The following COL14A1 variants were observed in gnomAD, a reference collection of about 807,000 sequenced individuals.
The protein encoded by COL14A1 is collagen type XIV alpha 1 chain, also known as collagen alpha-1(XIV) chain.
Under a neutral mutation model 230.3 loss-of-function variants are expected in COL14A1, and 136 were observed. That is an observed-to-expected ratio of 0.59 (90% CI 0.51 to 0.68). The LOEUF is 0.68. Among genes scored for constraint, COL14A1 ranks in the 30% least tolerant of loss-of-function variants. COL14A1 has a pLI of 0.00. For synonymous variants in COL14A1, 792 were observed against 784.1 expected, an observed-to-expected ratio of 1.01 and a Z score of -0.17; for missense variants, 1,976 against 2,215.8, an observed-to-expected ratio of 0.89 and a Z score of 2.17.
chr8:120,275,839 G>A (rs768463766), intron 26 of COL14A1, among the ~76,000 whole-genome samples: 3 of 151,824 alleles, frequency 2.0e-5, no homozygotes, highest in Admixed American at 6.6e-5. Flanking sequence ...AATAGATGTC[G>A]GTGTGGATGT....
rs1812219544 is a variant in COL14A1, at chr8:120,373,238, C to T, written c.*2007C>T. ...AGTATACACTATGAGAGATTCTAAT[C>T]CATTCACATCATTCTTGAGTTGTGC... is the stretch of plus-strand genomic sequence containing the variant. On this transcript the variant is annotated 3_prime_UTR_variant, in exon 48 of 48. Coordinates refer to ENST00000297848, the MANE Select transcript of COL14A1 (RefSeq NM_021110.4). Among the ~76,000 whole-genome samples the T allele has an allele frequency of 6.6e-6, 1 of 152,172 alleles. No individual in the cohort carries two copies. Among genetic ancestry groups the T allele is most frequent in the East Asian group, 1.9e-4 (1 of 5,194 alleles).
At chr8:120,130,520 T>G (rs1814492716) in intron 1 of COL14A1, among the ~76,000 whole-genome samples, 1 of 152,182 alleles carries the variant, frequency 6.6e-6, no homozygotes, top group Non-Finnish European at 1.5e-5. Context: ...CCATTTGATA[T>G]TTCTCTCTTA....
chr8:120,177,109 T>G (rs1466736836), intron 5 of COL14A1, among the ~76,000 whole-genome samples: 1 of 152,178 alleles, frequency 6.6e-6, no homozygotes, highest in African/African-American at 2.4e-5. Flanking sequence ...CCATGTGCTC[T>G]GAGGCCTGCC....
chr8:120,349,706 A>G (rs933662178), intron 45 of COL14A1, among the ~76,000 whole-genome samples: 1 of 128,254 alleles, frequency 7.8e-6, no homozygotes, highest in African/African-American at 3.3e-5. Context: ...AAAAGAAATG[A>G]GCAAAGCCTC....
chr8:120,330,959 G>A (rs1038708989), intron 40 of COL14A1, among the ~76,000 whole-genome samples: 2 of 152,046 alleles, frequency 1.3e-5, no homozygotes, highest in African/African-American at 2.4e-5. Flanking sequence ...TACGAAATTA[G>A]CCAGTCGTGG....
At chr8:120,152,909 A>G (rs1054583326) in intron 2 of COL14A1, among the ~76,000 whole-genome samples, 5 of 152,222 alleles carry the variant, frequency 3.3e-5, no homozygotes, top group African/African-American at 1.2e-4. Flanking sequence ...GGCTAGCTTT[A>G]ACTTTATAAA....
chr8:120,162,714 G>A (rs1055278668), intron 4 of COL14A1, 145 bp downstream of exon 4: 7 of 591,436 alleles, frequency 1.2e-5, no homozygotes, highest in Admixed American at 8.1e-5. Flanking sequence ...TACCTTCAAC[G>A]AATTCCTCTG....
chr8:120,327,632 A>G (rs112827231), intron 40 of COL14A1, among the ~76,000 whole-genome samples: 271 of 152,300 alleles, frequency 1.8e-3, no homozygotes, highest in African/African-American at 6.3e-3. Context: ...TTCAAGAGCA[A>G]GGAGAATGAC....
At chr8:120,251,546 A>G (rs1470664732) in intron 22 of COL14A1, among the ~76,000 whole-genome samples, 3 of 151,754 alleles carry the variant, frequency 2.0e-5, no homozygotes, top group Non-Finnish European at 2.9e-5. Context: ...GGCATACACC[A>G]CTCCCAGACA....
chr8:120,207,873 A>G (rs1433569337), intron 10 of COL14A1, among the ~76,000 whole-genome samples: 1 of 151,984 alleles, frequency 6.6e-6, no homozygotes, highest in East Asian at 1.9e-4. Context: ...AGTGCTTCCA[A>G]TGATTCTTTT....
At chr8:120,354,632 T>A (rs1822914203) in intron 45 of COL14A1, among the ~76,000 whole-genome samples, 1 of 152,174 alleles carries the variant, frequency 6.6e-6, no homozygotes, top group African/African-American at 2.4e-5. Context: ...TTGTCTCCTT[T>A]AACTTAAAGT....
intron 3 of COL14A1, among the ~76,000 whole-genome samples, chr8:120,159,144 C>T (rs1815576464): frequency 6.6e-6 from 1 of 152,196 alleles, no homozygotes; most frequent in Non-Finnish European, 1.5e-5. Context: ...GGATCAGCAG[C>T]ATTGGCATTA....
intron 14 of COL14A1, among the ~76,000 whole-genome samples, chr8:120,222,517 G>A (rs6989074): frequency 0.55 from 82,801 of 151,838 alleles, 23,338 homozygotes; most frequent in African/African-American, 0.67. Context: ...CCCCTCAACT[G>A]GAGTGTCTGA....
At chr8:120,301,233 C>A (rs1022226210) in intron 36 of COL14A1, among the ~76,000 whole-genome samples, 1 of 151,942 alleles carries the variant, frequency 6.6e-6, no homozygotes, top group Non-Finnish European at 1.5e-5. Context: ...GGGGTACATG[C>A]GAAGGTTTGT....
chr8:120,192,720 T>C (rs573531083), intron 5 of COL14A1, among the ~76,000 whole-genome samples: 1 of 152,280 alleles, frequency 6.6e-6, no homozygotes, highest in South Asian at 2.1e-4. Context: ...CGTAGTCCCA[T>C]ATTTCTTGGA....
At chr8:120,264,859 TAG>T (rs1819457736) in intron 24 of COL14A1, among the ~76,000 whole-genome samples, 1 of 152,122 alleles carries the variant, frequency 6.6e-6, no homozygotes, top group African/African-American at 2.4e-5. Flanking sequence ...ACCTGACCCC[TAG>T]AAACATTTGT....
chr8:120,247,668 G>C lies in COL14A1; in HGVS notation c.2535G>C (p.Leu845Phe), dbSNP rs1312786871. Residue 845 changes from leucine (L) to phenylalanine (F), a missense_variant, in exon 21 of 48, where the codon TTG (leucine) becomes TTC (phenylalanine). Leu to Phe is a conservative substitution (Grantham distance 22, BLOSUM62 0). This residue lies in a region of COL14A1 where 1,791 missense variants were observed against 2,019.5 expected (regional missense o/e 0.89). Coordinates refer to ENST00000297848, the MANE Select transcript of COL14A1 (RefSeq NM_021110.4). ...LRVSEEWYNRLRITWDPPSSP... is the reference protein window; with the variant it reads ...LRVSEEWYNRFRITWDPPSSP... ...TGTCCGAGGAATGGTATAACCGGTT[G>C]CGCATTACGTGGGACCCCCCATCTT... 1.2e-6 allele frequency: 2 copies of C among 1,614,150 alleles called. No homozygotes were observed. The highest frequency in any genetic ancestry group is 1.7e-6 in the Non-Finnish European group (2 of 1,180,028).
chr8:120,131,764 T>C (rs1017121831), intron 1 of COL14A1, among the ~76,000 whole-genome samples: 1 of 151,978 alleles, frequency 6.6e-6, no homozygotes, highest in South Asian at 2.1e-4. Flanking sequence ...ATTTGAGGAC[T>C]TAGTCATAGA....
At chr8:120,141,913 TG>T (rs925792358) in intron 1 of COL14A1, among the ~76,000 whole-genome samples, 2 of 152,168 alleles carry the variant, frequency 1.3e-5, no homozygotes, top group African/African-American at 4.8e-5. Flanking sequence ...AATTTCTTTT[TG>T]TAGAGTCAGA....
Sources: gnomAD v4.1 joint callset for allele counts (sites outside exome capture counted in the v4.1 genomes callset) on GRCh38, gnomAD v4.1.1 for gene constraint, gnomAD v4.1.1 regional missense constraint, MANE v1.5 for transcripts, NCBI Gene and HGNC (gene_info 2026-07-23, HGNC 2026-07-21) for gene names.